The following LRMDA variants were observed in gnomAD, a reference collection of about 807,000 sequenced individuals.
LRMDA encodes leucine rich melanocyte differentiation associated.
A neutral mutation model predicts 29.8 loss-of-function variants in LRMDA; 18 were observed. The ratio of observed to expected loss-of-function variants is 0.60; its 90% confidence interval spans 0.42 to 0.90. The LOEUF (loss-of-function observed/expected upper bound fraction) is 0.90. LRMDA is among the 40% of genes least tolerant of loss of function. The pLI is 0.00. For synonymous variants in LRMDA, 125 were observed against 109.4 expected, an observed-to-expected ratio of 1.14 and a Z score of -0.89; for missense variants, 273 against 273.9, an observed-to-expected ratio of 1.00 and a Z score of 0.02.
At position 76,300,964 on chromosome 10, in the gene LRMDA, G is replaced by C. The variant is rs542637347; in HGVS notation, c.517-23437G>C. 4.6e-5 allele frequency among the ~76,000 whole-genome samples: 7 copies of C among 152,226 alleles called. No individual in the cohort carries two copies. In the East Asian group the frequency reaches 1.4e-3, roughly 29 times the overall value. On this transcript the variant is annotated intron_variant, in intron 5 of 6. Transcript: ENST00000611255. The stretch of plus-strand genomic sequence containing the variant: ...ATAGTACATGCTTAGTAACCATTAG[G>C]CTCCTTCCCTTAGTTCTTTGCTCAT...
rs929760073 is a variant in LRMDA at position 75,945,895 on chromosome 10, G to A, written c.132-90113G>A. Among the ~76,000 whole-genome samples the A allele has an allele frequency of 2.6e-5, 4 of 152,112 alleles. 1 individual carries two copies. The highest frequency in any genetic ancestry group is 5.9e-5 in the Non-Finnish European group (4 of 68,030). On this transcript the variant is annotated intron_variant, in intron 2 of 6. Coordinates refer to ENST00000611255, the MANE Select transcript of LRMDA (RefSeq NM_001305581.2). ...GGGGAAATAAGTTCAGAGAGGGGAT[G>A]TGACTTCTCTGAGGCCATCTGGTAT... is the stretch of plus-strand genomic sequence containing the variant.
chr10:76,232,341 A>G (rs1345569692), intron 5 of LRMDA, among the ~76,000 whole-genome samples: 1 of 152,246 alleles, frequency 6.6e-6, no homozygotes, highest in Non-Finnish European at 1.5e-5. Context: ...ATAAATGGAC[A>G]TTAGACCAAT....
chr10:76,294,486 A>T (rs985623471), intron 5 of LRMDA, among the ~76,000 whole-genome samples: 1 of 152,208 alleles, frequency 6.6e-6, no homozygotes, highest in African/African-American at 2.4e-5. Flanking sequence ...TTATCCATAT[A>T]TTTTAACTTC....
intron 6 of LRMDA, among the ~76,000 whole-genome samples, chr10:76,458,785 T>C (rs1842483481): frequency 6.6e-6 from 1 of 152,200 alleles, no homozygotes; most frequent in Non-Finnish European, 1.5e-5. Context: ...TTTTGTTTTA[T>C]TCTGATTTTT....
chr10:76,316,294 AGGACGCCT>A (rs1840697472), intron 5 of LRMDA, among the ~76,000 whole-genome samples: 1 of 152,182 alleles, frequency 6.6e-6, no homozygotes, highest in Non-Finnish European at 1.5e-5. Context: ...AGCTACTTGC[AGGACGCCT>A]GGTCCAGATG....
chr10:75,747,921 A>T (rs1842908233), intron 2 of LRMDA, among the ~76,000 whole-genome samples: 1 of 152,162 alleles, frequency 6.6e-6, no homozygotes, highest in Non-Finnish European at 1.5e-5. Context: ...AAGAAAGTCA[A>T]ATAGTATTGT....
chr10:76,404,532 TC>T (rs1841882631), intron 6 of LRMDA, among the ~76,000 whole-genome samples: 1 of 152,164 alleles, frequency 6.6e-6, no homozygotes. Context: ...CCTGGCTCAT[TC>T]CACTATAGCC....
At chr10:76,412,340 C>T (rs761714281) in intron 6 of LRMDA, among the ~76,000 whole-genome samples, 2 of 152,110 alleles carry the variant, frequency 1.3e-5, no homozygotes, top group South Asian at 2.1e-4. Context: ...CAAAGTATTT[C>T]GGAAAGATGG....
intron 5 of LRMDA, among the ~76,000 whole-genome samples, chr10:76,203,921 CACCCATCCCTATTCCATGTGCCCATCT>C (rs1851481978): frequency 1.3e-5 from 2 of 149,222 alleles, no homozygotes; most frequent in Non-Finnish European, 1.5e-5. Flanking sequence ...TGTGCCCGTC[CACCCATCCCTATTCCATGTGCCCATCT>C]ACCCATCTCT....
intron 2 of LRMDA, among the ~76,000 whole-genome samples, chr10:75,545,914 G>A (rs1840075862): frequency 6.6e-6 from 1 of 152,154 alleles, no homozygotes; most frequent in Non-Finnish European, 1.5e-5. Flanking sequence ...CTTAGGAAGA[G>A]TTAAGTAGGA....
intron 6 of LRMDA, among the ~76,000 whole-genome samples, chr10:76,416,248 C>T (rs1842013100): frequency 6.6e-6 from 1 of 152,160 alleles, no homozygotes; most frequent in Admixed American, 6.6e-5. Context: ...TCACATGACC[C>T]TTGCTGTGGA....
At chr10:76,180,899 A>T (rs1851036178) in intron 5 of LRMDA, among the ~76,000 whole-genome samples, 1 of 152,076 alleles carries the variant, frequency 6.6e-6, no homozygotes, top group Non-Finnish European at 1.5e-5. Context: ...TTCTGAGTTT[A>T]GGGGTGGGAA....
chr10:75,627,885 C>T (rs1367950784), intron 2 of LRMDA, among the ~76,000 whole-genome samples: 4 of 152,270 alleles, frequency 2.6e-5, no homozygotes, highest in Admixed American at 1.3e-4. Context: ...TCTTTTAAAT[C>T]GCAAAAATAA....
chr10:75,572,897 A>C (rs1212435568), intron 2 of LRMDA, among the ~76,000 whole-genome samples: 1 of 152,234 alleles, frequency 6.6e-6, no homozygotes, highest in Non-Finnish European at 1.5e-5. Context: ...CTATGCAAGC[A>C]TAGAGGAAAG....
chr10:75,758,608 C>G (rs1179814687), intron 2 of LRMDA, among the ~76,000 whole-genome samples: 1 of 152,218 alleles, frequency 6.6e-6, no homozygotes, highest in Admixed American at 6.5e-5. Context: ...CTCCACACCC[C>G]TCATGTGTTT....
At chr10:75,887,868 A>G (rs952807886) in intron 2 of LRMDA, among the ~76,000 whole-genome samples, 11 of 152,210 alleles carry the variant, frequency 7.2e-5, no homozygotes, top group Admixed American at 2.0e-4. Flanking sequence ...TTTAAAATCC[A>G]GTCACCAGCT....
intron 6 of LRMDA, among the ~76,000 whole-genome samples, chr10:76,351,723 C>A (rs11001744): frequency 1.2e-3 from 175 of 149,876 alleles, no homozygotes; most frequent in Non-Finnish European, 2.1e-3. Flanking sequence ...AAAAAAAAAG[C>A]CCCTGTGAGA....
rs144950139 is a variant in LRMDA at position 75,827,907 on chromosome 10, A to T, written c.132-208101A>T. On this transcript the variant is annotated intron_variant, in intron 2 of 6. Transcript: ENST00000611255. The stretch of plus-strand genomic sequence containing the variant: ...TCTGCAGTGGGGCCTTAATTCCAGG[A>T]TGAGCTGGAATTCTTTGGAGGGTCT... Among the ~76,000 whole-genome samples, 10 of 152,254 alleles carry T rather than the reference A, an allele frequency of 6.6e-5. No homozygotes were observed. The East Asian group carries it at 1.9e-3, about 29-fold the overall frequency.
chr10:75,808,598 C>T (rs1843900781), intron 2 of LRMDA, among the ~76,000 whole-genome samples: 1 of 152,204 alleles, frequency 6.6e-6, no homozygotes. Flanking sequence ...TAACTTCCGA[C>T]TCCTTGGTTC....
Sources: allele counts gnomAD v4.1 joint callset (sites outside exome capture counted in the v4.1 genomes callset), GRCh38; gene constraint gnomAD v4.1.1; transcripts MANE v1.5; gene names NCBI Gene and HGNC (gene_info 2026-07-23, HGNC 2026-07-21).